STAU1: variants seen among roughly 807,000 people sequenced by gnomAD.
The protein encoded by STAU1 is double-stranded RNA-binding protein Staufen homolog 1.
STAU1 carries 13 observed loss-of-function variants against 62.9 expected under a neutral mutation model. The observed-to-expected ratio is 0.21, with a 90% CI of 0.13 to 0.33. STAU1 has a LOEUF of 0.33. Among genes scored for constraint, STAU1 ranks in the 10% least tolerant of loss-of-function variants. The probability of loss-of-function intolerance (pLI) is 1.00; values close to 1 mark genes in which losing one functional copy is unlikely to be tolerated. For synonymous variants in STAU1, 269 were observed against 265.1 expected (o/e 1.01, Z -0.14); for missense variants, 571 against 712.1 (o/e 0.80, Z 2.25).
intron 2 of STAU1, among the ~76,000 whole-genome samples, chr20:49,172,503 T>C (rs1375934757): frequency 6.6e-6 from 1 of 152,244 alleles, no homozygotes; most frequent in East Asian, 1.9e-4. Context: ...TTCTGTGTGA[T>C]ATTTTCTTGA....
chr20:49,212,615 A>ATTTTGTTTTTTTTTTTTTTTTTTTTTT, the STAU1 span, among the ~76,000 whole-genome samples: 1 of 85,176 alleles, frequency 1.2e-5, no homozygotes, highest in Non-Finnish European at 2.2e-5. Flanking sequence ...AGCTATTGGA[A>ATTTTGTTTTTTTTTTTTTTTTTTTTTT]TTTTTTTTTT....
chr20:49,118,169 C>CCA, intron 10 of STAU1, 73 bp from the exon 11 acceptor site: 2 of 1,480,564 alleles, frequency 1.4e-6, no homozygotes, highest in Non-Finnish European at 1.9e-6. Flanking sequence ...CCATCAAACC[C>CCA]CACGCTGGCC....
intron 5 of STAU1, among the ~76,000 whole-genome samples, chr20:49,140,188 A>AG (rs1446612150): frequency 6.6e-5 from 10 of 152,164 alleles, no homozygotes; most frequent in Non-Finnish European, 1.2e-4. Context: ...AAAAAAAAAA[A>AG]AGTAAGTTAA....
intron 1 of STAU1, among the ~76,000 whole-genome samples, 173 bp from the exon 2 acceptor site, chr20:49,174,442 G>C (rs1331331412): frequency 6.6e-6 from 1 of 152,226 alleles, no homozygotes; most frequent in Non-Finnish European, 1.5e-5. Context: ...CAAGCGGCCA[G>C]ACATGGTGGC....
the STAU1 span, among the ~76,000 whole-genome samples, chr20:49,204,640 ATATATATTTTTTTTT>A: frequency 1.9e-5 from 1 of 53,536 alleles, no homozygotes; most frequent in Non-Finnish European, 3.0e-5. Flanking sequence ...ATATATATAT[ATATATATTTTTTTTT>A]TTTTTTTTTT....
intron 3 of STAU1, among the ~76,000 whole-genome samples, chr20:49,156,135 A>G (rs2046941393): frequency 6.6e-6 from 1 of 152,230 alleles, no homozygotes; most frequent in Admixed American, 6.5e-5. Flanking sequence ...AACTGGCAAT[A>G]AGCACTTCTG....
chr20:49,213,553 A>G, the STAU1 span, among the ~76,000 whole-genome samples: 13,742 of 152,208 alleles, frequency 0.09, 767 homozygotes, highest in African/African-American at 0.17. Context: ...TGGGGCGATT[A>G]TAATCAATGC....
Position 49,180,496 on chromosome 20 carries a change from G to T in STAU1, c.-159-6227C>A, listed in dbSNP as rs539143470. ...GTACCACCACACCCAGCTAATTTTT[G>T]TATTTTTAGTAGAGATGGGGTTTCA... On this transcript the variant is annotated intron_variant, in intron 1 of 13. Transcript: ENST00000371856. 2.0e-5 allele frequency among the ~76,000 whole-genome samples: 3 copies of T among 152,196 alleles called. No homozygotes were observed. The South Asian group carries it at 6.2e-4, about 32-fold the overall frequency.
At chr20:49,154,341 A>T (rs1317009725) in intron 3 of STAU1, among the ~76,000 whole-genome samples, 1 of 152,202 alleles carries the variant, frequency 6.6e-6, no homozygotes, top group East Asian at 1.9e-4. Flanking sequence ...TGAAAGCTAT[A>T]TGGTACAGCT....
upstream of STAU1, among the ~76,000 whole-genome samples, chr20:49,189,201 CAAAAAAAAAAAAAAAAAAAAAAAA>C (rs545643816): frequency 8.9e-5 from 3 of 33,622 alleles, no homozygotes; most frequent in African/African-American, 1.0e-4. Context: ...ACACTGGTCT[CAAAAAAAAAAAAAAAAAAAAAAAA>C]AAAAAAAAAA....
chr20:49,164,780 G>A (rs2093500951), intron 3 of STAU1, among the ~76,000 whole-genome samples: 2 of 151,932 alleles, frequency 1.3e-5, no homozygotes, highest in Admixed American at 1.3e-4. Context: ...CGAGAGATAA[G>A]AAAGGAAAGA....
chr20:49,151,786 G>C, intron 4 of STAU1, 39 bp from the exon 5 acceptor site: 1 of 1,581,708 alleles, frequency 6.3e-7, no homozygotes, highest in Non-Finnish European at 8.6e-7. Flanking sequence ...ACAGTCTCAA[G>C]TTGATAAGTC....
intron 6 of STAU1, among the ~76,000 whole-genome samples, chr20:49,125,166 T>C (rs1284663813): frequency 1.7e-5 from 1 of 57,406 alleles, no homozygotes; most frequent in South Asian, 5.9e-4. Context: ...TACACATATA[T>C]AAACAGACAC....
the STAU1 span, among the ~76,000 whole-genome samples, chr20:49,208,631 T>C: frequency 4.6e-5 from 7 of 151,632 alleles, no homozygotes; most frequent in Admixed American, 4.6e-4. Context: ...TCTTTTTTTT[T>C]TTTTTTGAGA....
chr20:49,124,281 T>A lies in STAU1; in HGVS notation c.822+94A>T, dbSNP rs2092539453. 5 of 1,338,138 alleles carry A rather than the reference T, an allele frequency of 3.7e-6. No homozygotes were observed. The South Asian group carries it at 4.0e-5, about 11-fold the overall frequency. 82.9% of individuals were successfully genotyped at this position (1,338,138 alleles called of 1,614,324 possible). A position where few individuals can be genotyped will look rare whatever the true frequency, so the allele number is the denominator to read the frequency against. On this transcript the variant is annotated intron_variant, in intron 7 of 13. Coordinates refer to ENST00000371856, the MANE Select transcript of STAU1 (RefSeq NM_017453.4). Reference sequence around the variant, plus strand: ...CCTGGGGTGTGGCACGTTGGTCTCATCCCCTTTCACCTTGGGGACAGCGAC... The same window carrying A: ...CCTGGGGTGTGGCACGTTGGTCTCAACCCCTTTCACCTTGGGGACAGCGAC...
intron 1 of STAU1, among the ~76,000 whole-genome samples, chr20:49,180,934 A>T (rs886969932): frequency 7.2e-5 from 11 of 152,140 alleles, no homozygotes; most frequent in Admixed American, 5.9e-4. Context: ...ATCCTAAACA[A>T]AAAGCACCTA....
the STAU1 span, among the ~76,000 whole-genome samples, chr20:49,193,985 AG>A: frequency 1.4e-5 from 2 of 145,730 alleles, no homozygotes; most frequent in South Asian, 4.4e-4. Flanking sequence ...AAAAAAAAAA[AG>A]TGGTATTTCA....
intron 6 of STAU1, among the ~76,000 whole-genome samples, 186 bp from the exon 7 acceptor site, chr20:49,124,773 A>C (rs2092552872): frequency 6.6e-6 from 1 of 152,194 alleles, no homozygotes; most frequent in Non-Finnish European, 1.5e-5. Context: ...AAACTGGTTT[A>C]TGCTCTTGAG....
intron 6 of STAU1, 63 bp from the exon 7 acceptor site, chr20:49,124,650 C>A (rs1475455838): frequency 6.5e-7 from 1 of 1,548,374 alleles, no homozygotes; most frequent in Non-Finnish European, 8.9e-7. Context: ...CCAAGGCACA[C>A]TGGCTGGCAC....
Sources: allele counts gnomAD v4.1 joint callset (sites outside exome capture counted in the v4.1 genomes callset), GRCh38; gene constraint gnomAD v4.1.1; transcripts MANE v1.5; gene names NCBI Gene and HGNC (gene_info 2026-07-23, HGNC 2026-07-21).